Variants in PDE7B observed in about 807,000 individuals in gnomAD.
PDE7B encodes the protein 3',5'-cyclic-AMP phosphodiesterase 7B.
PDE7B carries 29 observed loss-of-function variants against 56.2 expected under a neutral mutation model. That is an observed-to-expected ratio of 0.52 (90% CI 0.38 to 0.70). The LOEUF (loss-of-function observed/expected upper bound fraction) is 0.70, where lower values mean the gene tolerates loss of function less well. Among genes scored for constraint, PDE7B ranks in the 30% least tolerant of loss-of-function variants. PDE7B has a pLI of 0.00. For synonymous variants in PDE7B, 197 were observed against 196.9 expected (o/e 1.00, Z 0.00); for missense variants, 490 against 565.0 (o/e 0.87, Z 1.35).
At chr6:135,961,829 T>G (rs1427858852) in intron 2 of PDE7B, among the ~76,000 whole-genome samples, 1 of 152,156 alleles carries the variant, frequency 6.6e-6, no homozygotes, top group Admixed American at 6.5e-5. Context: ...AGATCTAAAG[T>G]TATAATATGA....
Position 136,108,770 on chromosome 6 carries a change from A to T in PDE7B, c.122A>T (p.Glu41Val). 1 of 1,612,396 alleles carries T rather than the reference A, an allele frequency of 6.2e-7. No individual in the cohort carries two copies. Among genetic ancestry groups the T allele is most frequent in the Non-Finnish European group, 8.5e-7 (1 of 1,178,476 alleles). ...AGGGGTCAGACGGGGGTTCGTGCTG[A>T]ACGCCGTGGCTCCTACCCATTCATT... The part of the protein sequence containing the change: ...RLRGQTGVRA[E>V]RRGSYPFIDF... The change falls in exon 3 of 13, where the codon GAA becomes GTA. Residue 41 changes from glutamate to valine, a missense_variant. By Grantham distance (121) the Glu-to-Val change is moderately radical. Coordinates refer to ENST00000308191, the MANE Select transcript of PDE7B (RefSeq NM_018945.4).
At chr6:136,166,329 T>G (rs909047363) in intron 8 of PDE7B, 8 of 152,270 alleles carry the variant, frequency 5.3e-5, no homozygotes, top group African/African-American at 1.9e-4. Context: ...CCTGGATGAG[T>G]GCTATTGTCC....
At chr6:135,910,033 A>G (rs1257859091) in intron 1 of PDE7B, among the ~76,000 whole-genome samples, 1 of 152,194 alleles carries the variant, frequency 6.6e-6, no homozygotes, top group African/African-American at 2.4e-5. Context: ...TGACAGGTGT[A>G]TTGCTTTTGT....
rs1469911072 is a variant in PDE7B at position 136,192,695 on chromosome 6, T to G, written c.*855T>G. 1.3e-5 allele frequency: 2 copies of G among 152,650 alleles called. No individual in the cohort carries two copies. The highest frequency in any genetic ancestry group is 4.8e-5 in the African/African-American group (2 of 41,450). The allele number at this position is 152,650 out of a possible 1,614,324, so 9.5% of individuals were successfully genotyped here. A position where few individuals can be genotyped will look rare whatever the true frequency, so the allele number is the denominator to read the frequency against. Reference sequence around the variant, plus strand: ...ACATGAGTATTATGGGATTGCTACCTGTATAAACAATGGCACTGTGAAAAT... The same window carrying G: ...ACATGAGTATTATGGGATTGCTACCGGTATAAACAATGGCACTGTGAAAAT... On this transcript the variant is annotated 3_prime_UTR_variant, in exon 13 of 13. Transcript: ENST00000308191.
intron 8 of PDE7B, among the ~76,000 whole-genome samples, chr6:136,167,677 T>C (rs1191065359): frequency 1.3e-5 from 2 of 152,188 alleles, no homozygotes; most frequent in Non-Finnish European, 2.9e-5. Context: ...TTCTTGTCTG[T>C]TTTGTTCACT....
At chr6:136,011,024 A>T (rs1775883721) in intron 2 of PDE7B, among the ~76,000 whole-genome samples, 1 of 152,036 alleles carries the variant, frequency 6.6e-6, no homozygotes. Flanking sequence ...AGCCTTGGAG[A>T]TTTACATTTT....
In PDE7B at chr6:136,005,824, A is replaced by T. The variant is rs996266127; in HGVS notation, c.82+58300A>T. Among the ~76,000 whole-genome samples the T allele has an allele frequency of 9.2e-5, 14 of 152,284 alleles. 1 individual carries two copies. The highest frequency in any genetic ancestry group is 5.2e-4 in the Admixed American group (8 of 15,288). On this transcript the variant is annotated intron_variant, in intron 2 of 12. Coordinates refer to ENST00000308191, the MANE Select transcript of PDE7B (RefSeq NM_018945.4). ...ATTCCTCAGGGATCTAGAACTAGAAATACCATTTGACACAGCCATCCCATT... is the reference window on the plus strand; with the variant it reads ...ATTCCTCAGGGATCTAGAACTAGAATTACCATTTGACACAGCCATCCCATT...
At chr6:136,072,772 C>G (rs1021919347) in intron 2 of PDE7B, 9 of 152,218 alleles carry the variant, frequency 5.9e-5, no homozygotes, top group African/African-American at 2.2e-4. Context: ...AGAATCCTGA[C>G]TTTCTTGATC....
At chr6:135,871,779 AC>A (rs1176027792) in intron 1 of PDE7B, among the ~76,000 whole-genome samples, 36 of 148,920 alleles carry the variant, frequency 2.4e-4, no homozygotes, top group African/African-American at 8.8e-4. Flanking sequence ...GTATACACAC[AC>A]ACACACACAC....
At chr6:136,149,661 A>AAC (rs1233905191) in intron 5 of PDE7B, among the ~76,000 whole-genome samples, 2 of 152,232 alleles carry the variant, frequency 1.3e-5, no homozygotes, top group Non-Finnish European at 2.9e-5. Context: ...GGGAAAAGCA[A>AAC]ACATCTTCAC....
chr6:135,921,538 A>T (rs1221403532), intron 1 of PDE7B, among the ~76,000 whole-genome samples: 1 of 152,170 alleles, frequency 6.6e-6, no homozygotes, highest in African/African-American at 2.4e-5. Context: ...AAATTTTCAT[A>T]GCATAATATA....
chr6:136,086,239 G>A (rs536085939), intron 2 of PDE7B, among the ~76,000 whole-genome samples: 305 of 152,284 alleles, frequency 2.0e-3, no homozygotes, highest in Middle Eastern at 6.8e-3. Context: ...GTGTCATCCT[G>A]AGCAGTTGAT....
chr6:136,108,910 G>T (rs1221120775), intron 3 of PDE7B, 96 bp downstream of exon 3: 7 of 803,996 alleles, frequency 8.7e-6, no homozygotes, highest in Admixed American at 3.7e-5. Flanking sequence ...ACCTTCTGGG[G>T]TCTGCCTTCC....
intron 12 of PDE7B, among the ~76,000 whole-genome samples, chr6:136,190,208 G>A (rs1779200286): frequency 6.6e-6 from 1 of 152,164 alleles, no homozygotes; most frequent in Non-Finnish European, 1.5e-5. Context: ...CAAGCAAAAC[G>A]TGAAATCCTC....
chr6:135,868,588 T>G (rs565661898), intron 1 of PDE7B, among the ~76,000 whole-genome samples: 151 of 152,306 alleles, frequency 9.9e-4, no homozygotes, highest in African/African-American at 3.5e-3. Flanking sequence ...GGTGTCACCA[T>G]GCACAGGTAA....
intron 2 of PDE7B, among the ~76,000 whole-genome samples, chr6:135,948,772 C>A (rs1053912597): frequency 6.6e-6 from 1 of 151,702 alleles, no homozygotes; most frequent in Non-Finnish European, 1.5e-5. Context: ...ACACCCATTT[C>A]AAATATCCAA....
intron 1 of PDE7B, among the ~76,000 whole-genome samples, chr6:135,916,388 C>T (rs376748873): frequency 1.3e-3 from 105 of 83,212 alleles, no homozygotes; most frequent in African/African-American, 5.7e-3. Context: ...CTTTTCTTTT[C>T]TTTCTTTTTT....
At chr6:136,140,984 C>T (rs1380097595) in intron 3 of PDE7B, among the ~76,000 whole-genome samples, 2 of 152,062 alleles carry the variant, frequency 1.3e-5, no homozygotes, top group Admixed American at 1.3e-4. Flanking sequence ...TTGTCCTGGC[C>T]AGAACTTCCA....
intron 5 of PDE7B, among the ~76,000 whole-genome samples, chr6:136,150,444 A>C (rs912819523): frequency 1.3e-5 from 2 of 152,158 alleles, no homozygotes; most frequent in African/African-American, 4.8e-5. Flanking sequence ...CCACTTTCCC[A>C]GCACCATTTA....
Sources: gnomAD v4.1 joint callset for allele counts (sites outside exome capture counted in the v4.1 genomes callset) on GRCh38, gnomAD v4.1.1 for gene constraint, MANE v1.5 for transcripts, NCBI Gene and HGNC (gene_info 2026-07-23, HGNC 2026-07-21) for gene names.